The following DAB1 variants were observed in gnomAD, a reference collection of about 807,000 sequenced individuals.
The protein encoded by DAB1 is DAB adaptor protein 1.
Under a neutral mutation model 64.6 loss-of-function variants are expected in DAB1, and 15 were observed. That is an observed-to-expected ratio of 0.23 (90% CI 0.16 to 0.36). The LOEUF (loss-of-function observed/expected upper bound fraction) is 0.36. Ranked by LOEUF, DAB1 falls within the 10% of genes least tolerant of loss-of-function variation. DAB1 has a pLI of 1.00. For missense variants in DAB1, 596 were observed against 706.7 expected (o/e 0.84, Z 1.78); for synonymous variants, 235 against 251.9 (o/e 0.93, Z 0.64).
chr1:56,996,926 C>T lies in DAB1; in HGVS notation c.*1218G>A, dbSNP rs1236729103. ...TCATTAGAACTCCTTAAAGCCATTT[C>T]CCTTAAATATTTAAAGAGTTTAATG... On this transcript the variant is annotated 3_prime_UTR_variant, in exon 15 of 15. Transcript: ENST00000371236. The T allele has an allele frequency of 6.6e-6, 1 of 151,728 alleles. No individual in the cohort carries two copies. Among genetic ancestry groups the T allele is most frequent in the African/African-American group, 2.4e-5 (1 of 41,292 alleles). The allele number at this position is 151,728 out of a possible 1,614,324, so 9.4% of individuals were successfully genotyped here. A position where few individuals can be genotyped will look rare whatever the true frequency, so the allele number is the denominator to read the frequency against.
chr1:57,145,496 A>G, intron 2 of DAB1, 67 bp from the exon 3 acceptor site: 2 of 1,535,028 alleles, frequency 1.3e-6, no homozygotes, highest in African/African-American at 1.4e-5. Context: ...AGTATCCACA[A>G]TTCCAAGATC....
chr1:57,999,481 C>T (rs1646475231), intron 5 of DAB1, among the ~76,000 whole-genome samples: 1 of 152,164 alleles, frequency 6.6e-6, no homozygotes, highest in South Asian at 2.1e-4. Context: ...TCCCTAGGAT[C>T]CCATAGCCAG....
At chr1:58,338,172 A>T (rs1663167533) in intron 4 of DAB1, among the ~76,000 whole-genome samples, 1 of 152,188 alleles carries the variant, frequency 6.6e-6, no homozygotes, top group Non-Finnish European at 1.5e-5. Flanking sequence ...GATGTTTGAA[A>T]ATAAAAGACA....
At chr1:57,362,026 C>G (rs1679591937) in intron 1 of DAB1, among the ~76,000 whole-genome samples, 1 of 152,102 alleles carries the variant, frequency 6.6e-6, no homozygotes, top group Non-Finnish European at 1.5e-5. Flanking sequence ...CACCTTAGAC[C>G]TTTGAGGAAG....
intron 4 of DAB1, among the ~76,000 whole-genome samples, chr1:58,309,636 C>T (rs1662383269): frequency 6.6e-6 from 1 of 152,128 alleles, no homozygotes; most frequent in Admixed American, 6.5e-5. Flanking sequence ...TCCTTTGTTA[C>T]CTTCCATCTT....
At chr1:57,387,059 T>C (rs1483204533) in intron 1 of DAB1, 1 of 152,140 alleles carries the variant, frequency 6.6e-6, no homozygotes, top group East Asian at 1.9e-4. Flanking sequence ...CTCTCTACTT[T>C]CTCCACTTTG....
intron 7 of DAB1, among the ~76,000 whole-genome samples, chr1:57,539,833 C>T (rs1644779785): frequency 6.6e-6 from 1 of 152,172 alleles, no homozygotes; most frequent in South Asian, 2.1e-4. Context: ...TTACAGCAAA[C>T]TTGGGCACAT....
At chr1:57,351,912 T>C (rs764415350) in intron 1 of DAB1, among the ~76,000 whole-genome samples, 1 of 152,150 alleles carries the variant, frequency 6.6e-6, no homozygotes, top group Non-Finnish European at 1.5e-5. Context: ...GTGGTGTGTT[T>C]TGCACCTGTC....
chr1:57,371,552 T>C (rs1399897689), intron 1 of DAB1, among the ~76,000 whole-genome samples: 1 of 152,222 alleles, frequency 6.6e-6, no homozygotes, highest in African/African-American at 2.4e-5. Flanking sequence ...ATTTCTCTTA[T>C]TCACCCACTC....
At chr1:58,059,684 G>A (rs1316040132) in intron 5 of DAB1, among the ~76,000 whole-genome samples, 3 of 152,218 alleles carry the variant, frequency 2.0e-5, no homozygotes, top group African/African-American at 7.2e-5. Context: ...AAACAAGCAA[G>A]ACACTTAAAA....
chr1:58,364,815 T>G (rs1272102183), intron 3 of DAB1, among the ~76,000 whole-genome samples: 1 of 152,252 alleles, frequency 6.6e-6, no homozygotes, highest in Non-Finnish European at 1.5e-5. Flanking sequence ...GTTTACAATT[T>G]CTTTTTTCCC....
At chr1:57,254,629 C>G (rs1669617269) in intron 2 of DAB1, among the ~76,000 whole-genome samples, 1 of 139,048 alleles carries the variant, frequency 7.2e-6, no homozygotes, top group South Asian at 2.1e-4. Flanking sequence ...TGGCTAACCT[C>G]CTAAAAACAC....
rs1644417700 is a variant in DAB1, at chr1:57,512,590, A to C, written n.625+137002T>G. On this transcript the variant is annotated intron_variant and non_coding_transcript_variant, in intron 7 of 20. Transcript: ENST00000485760. ...ACACAGTACCAGCAATTACTCCAGAAGCTATTTTAAACTGAAACATGCCGG... is the reference window on the plus strand; with the variant it reads ...ACACAGTACCAGCAATTACTCCAGACGCTATTTTAAACTGAAACATGCCGG... Among the ~76,000 whole-genome samples, 6 of 152,340 alleles carry C rather than the reference A, an allele frequency of 3.9e-5. No homozygotes were observed. The South Asian group carries it at 6.2e-4, about 16-fold the overall frequency.
In DAB1 at chr1:56,997,312, T is replaced by C. The variant is rs145055089; in HGVS notation, c.*832A>G. ...CATCTTTCTCATCAATGGGATCTGA[T>C]GTCTTTTCCTACTCACAGAATGAAG... On this transcript the variant is annotated 3_prime_UTR_variant, in exon 15 of 15. Transcript: ENST00000371236. 13 of 152,378 alleles carry C rather than the reference T, an allele frequency of 8.5e-5. No homozygotes were observed. In the East Asian group the frequency reaches 2.3e-3, roughly 27 times the overall value. 9.4% of individuals were successfully genotyped at this position (152,378 alleles called of 1,614,324 possible).
chr1:58,210,943 A>G (rs958258300), intron 4 of DAB1, among the ~76,000 whole-genome samples: 1 of 152,174 alleles, frequency 6.6e-6, no homozygotes, highest in African/African-American at 2.4e-5. Context: ...GTTATGAAAA[A>G]TAAGTAGAAA....
intron 6 of DAB1, among the ~76,000 whole-genome samples, chr1:57,737,690 GC>G (rs1190639242): frequency 6.6e-6 from 1 of 152,166 alleles, no homozygotes; most frequent in African/African-American, 2.4e-5. Context: ...TCCCCTTGAT[GC>G]TTTTTTAATT....
At chr1:57,561,143 C>A (rs4576676) in intron 7 of DAB1, among the ~76,000 whole-genome samples, 5,223 of 152,248 alleles carry the variant, frequency 0.034, 325 homozygotes, top group African/African-American at 0.12. Flanking sequence ...CCTCCTCTCC[C>A]CCAGCCTGCA....
At chr1:57,538,160 G>A (rs1424046873) in intron 7 of DAB1, among the ~76,000 whole-genome samples, 1 of 152,154 alleles carries the variant, frequency 6.6e-6, no homozygotes, top group Non-Finnish European at 1.5e-5. Context: ...TAAGGCTTAT[G>A]GCTGAAAGAA....
intron 5 of DAB1, among the ~76,000 whole-genome samples, chr1:58,149,168 G>T (rs1654780821): frequency 6.6e-6 from 1 of 151,720 alleles, no homozygotes; most frequent in African/African-American, 2.4e-5. Context: ...TTAATTTTCT[G>T]TCTCTCTCTG....
Sources: allele counts gnomAD v4.1 joint callset (sites outside exome capture counted in the v4.1 genomes callset), GRCh38; gene constraint gnomAD v4.1.1; transcripts MANE v1.5; gene names NCBI Gene and HGNC (gene_info 2026-07-23, HGNC 2026-07-21).